Variants in CRY1 observed in about 807,000 individuals in gnomAD.
The protein encoded by CRY1 is cryptochrome circadian regulator 1.
A neutral mutation model predicts 76.0 loss-of-function variants in CRY1; 45 were observed. The observed-to-expected ratio is 0.59, with a 90% CI of 0.47 to 0.76. The LOEUF is 0.76. CRY1 is among the 30% of genes least tolerant of loss of function. The pLI, the probability that CRY1 is intolerant of heterozygous loss-of-function variation, is 0.00. For missense variants in CRY1, 587 were observed against 716.4 expected (o/e 0.82, Z 2.06); for synonymous variants, 248 against 244.0 (o/e 1.02, Z -0.15).
At chr12:107,045,454 T>C (rs1277213515) in intron 1 of CRY1, among the ~76,000 whole-genome samples, 1 of 152,066 alleles carries the variant, frequency 6.6e-6, no homozygotes, top group Non-Finnish European at 1.5e-5. Flanking sequence ...GGTCAAGAGA[T>C]AGAGACAAGC....
chr12:107,008,932 C>T (rs150435323), intron 2 of CRY1, among the ~76,000 whole-genome samples: 18 of 152,212 alleles, frequency 1.2e-4, no homozygotes, highest in Admixed American at 2.0e-4. Context: ...GATTGTGAGG[C>T]CTCCCCAGTC....
intron 1 of CRY1, among the ~76,000 whole-genome samples, chr12:107,022,493 T>A (rs114345342): frequency 6.6e-6 from 1 of 152,058 alleles, no homozygotes. Flanking sequence ...AGCAATTAAA[T>A]TGGTTTCATT....
intron 2 of CRY1, 108 bp downstream of exon 2, chr12:107,021,976 G>T: frequency 2.4e-6 from 2 of 842,136 alleles, no homozygotes; most frequent in Admixed American, 2.6e-5. Context: ...ATTTTTACTT[G>T]AAAATACTTA....
chr12:107,053,113 T>C (rs1045911176), intron 1 of CRY1, among the ~76,000 whole-genome samples: 2 of 152,138 alleles, frequency 1.3e-5, no homozygotes, highest in East Asian at 3.9e-4. Context: ...GAATAAGAAA[T>C]GGCAGATTTG....
chr12:107,066,614 T>C lies in CRY1; in HGVS notation c.158+26190A>G, dbSNP rs573317585. 2.0e-5 allele frequency among the ~76,000 whole-genome samples: 3 copies of C among 152,152 alleles called. No individual in the cohort carries two copies. The East Asian group carries it at 5.8e-4, about 29-fold the overall frequency. ...GAGACTACATGGGACTACAGACATG[T>C]GCCAACACATCTGGCTAATTTTTGT... is the stretch of plus-strand genomic sequence containing the variant. On this transcript the variant is annotated intron_variant, in intron 1 of 12. Coordinates refer to ENST00000008527, the MANE Select transcript of CRY1 (RefSeq NM_004075.5).
intron 5 of CRY1, among the ~76,000 whole-genome samples, chr12:107,000,366 T>C (rs76678508): frequency 6.6e-6 from 1 of 152,038 alleles, no homozygotes; most frequent in African/African-American, 2.4e-5. Flanking sequence ...TTTTTTTTTT[T>C]CCTGAGACAG....
chr12:107,005,401 TA>T (rs1477565402), intron 2 of CRY1, among the ~76,000 whole-genome samples, 153 bp from the exon 3 acceptor site: 3 of 152,158 alleles, frequency 2.0e-5, no homozygotes, highest in African/African-American at 7.2e-5. Context: ...ATTTATCAAT[TA>T]AAAAATACAT....
At chr12:107,038,888 C>T (rs1337014136) in intron 1 of CRY1, among the ~76,000 whole-genome samples, 1 of 152,202 alleles carries the variant, frequency 6.6e-6, no homozygotes, top group Non-Finnish European at 1.5e-5. Flanking sequence ...CTCTCAGCTC[C>T]TAGGTTTTCC....
chr12:107,082,483 TAACA>T (rs567640913), intron 1 of CRY1, among the ~76,000 whole-genome samples: 57 of 152,094 alleles, frequency 3.7e-4, no homozygotes, highest in Non-Finnish European at 7.2e-4. Flanking sequence ...ACGGAAATCA[TAACA>T]AACAGTCTCT....
chr12:107,051,135 T>C (rs1952914591), intron 1 of CRY1, among the ~76,000 whole-genome samples: 1 of 152,206 alleles, frequency 6.6e-6, no homozygotes, highest in Non-Finnish European at 1.5e-5. Context: ...TTACATGCGT[T>C]TACACATTTG....
At chr12:107,080,119 C>T (rs1472265571) in intron 1 of CRY1, among the ~76,000 whole-genome samples, 1 of 152,062 alleles carries the variant, frequency 6.6e-6, no homozygotes, top group Admixed American at 6.6e-5. Flanking sequence ...GAGAAATTAC[C>T]TGTTGACTAT....
chr12:107,074,277 C>A (rs1336191917), intron 1 of CRY1, among the ~76,000 whole-genome samples: 1 of 152,152 alleles, frequency 6.6e-6, no homozygotes, highest in Non-Finnish European at 1.5e-5. Flanking sequence ...GGCTTGGCAG[C>A]ACATTCTCTA....
chr12:107,026,157 A>ACATGTTATATATGTTATATATGT (rs1160937379), intron 1 of CRY1, among the ~76,000 whole-genome samples: 1 of 75,704 alleles, frequency 1.3e-5, no homozygotes, highest in African/African-American at 5.9e-5. Flanking sequence ...TATATATATA[A>ACATGTTATATATGTTATATATGT]AATATATATA....
In CRY1 at chr12:107,000,068, A is replaced by G. The variant is rs1396452433; in HGVS notation, c.699T>C (p.Asn233=). Reference sequence around the variant, plus strand: ...TCGCATTCATTCGAGGTCTTTCAAAATTTGCCACCCAAGCCTGAAAACACA... The same window carrying G: ...TCGCATTCATTCGAGGTCTTTCAAAGTTTGCCACCCAAGCCTGAAAACACA... ...RHLERKAWVA[N]FERPRMNANS... The change falls in exon 6 of 13, where the codon AAT becomes AAC. Residue 233 remains asparagine (N), a synonymous_variant. Coordinates refer to ENST00000008527, the MANE Select transcript of CRY1 (RefSeq NM_004075.5). 6.2e-7 allele frequency: 1 copy of G among 1,601,140 alleles called. No homozygotes were observed. Among genetic ancestry groups the G allele is most frequent in the Admixed American group, 1.8e-5 (1 of 56,574 alleles).
chr12:107,041,545 A>T (rs1362581916), intron 1 of CRY1, among the ~76,000 whole-genome samples: 1 of 152,220 alleles, frequency 6.6e-6, no homozygotes, highest in African/African-American at 2.4e-5. Flanking sequence ...CAGTATTTGA[A>T]ATATAGGACT....
At chr12:107,068,164 A>G (rs1953135459) in intron 1 of CRY1, among the ~76,000 whole-genome samples, 1 of 152,150 alleles carries the variant, frequency 6.6e-6, no homozygotes, top group Admixed American at 6.6e-5. Context: ...GCTGAGAGAG[A>G]GATCATATGG....
chr12:107,050,738 A>C (rs971759320), intron 1 of CRY1, among the ~76,000 whole-genome samples: 3 of 152,236 alleles, frequency 2.0e-5, no homozygotes, highest in African/African-American at 7.2e-5. Context: ...GCTGACAGAA[A>C]GGACAGACCT....
At chr12:107,076,860 A>G (rs753276851) in intron 1 of CRY1, among the ~76,000 whole-genome samples, 1 of 152,018 alleles carries the variant, frequency 6.6e-6, no homozygotes, top group Non-Finnish European at 1.5e-5. Context: ...CTGGTCATTT[A>G]AAAGTGTGTA....
At chr12:107,043,380 T>C (rs1209444183) in intron 1 of CRY1, among the ~76,000 whole-genome samples, 4 of 152,072 alleles carry the variant, frequency 2.6e-5, no homozygotes, top group African/African-American at 9.7e-5. Context: ...TGCATTACAG[T>C]ACCTAAGCTG....
Sources: gnomAD v4.1 joint callset for allele counts (sites outside exome capture counted in the v4.1 genomes callset) on GRCh38, gnomAD v4.1.1 for gene constraint, MANE v1.5 for transcripts, NCBI Gene and HGNC (gene_info 2026-07-23, HGNC 2026-07-21) for gene names.